Variants in P4HA2 observed in about 807,000 individuals in gnomAD.
P4HA2 encodes the protein prolyl 4-hydroxylase subunit alpha-2.
P4HA2 carries 46 observed loss-of-function variants against 76.9 expected under a neutral mutation model. The ratio of observed to expected loss-of-function variants is 0.60; its 90% CI spans 0.47 to 0.76. The LOEUF (loss-of-function observed/expected upper bound fraction) is 0.76, where lower values mean the gene tolerates loss of function less well. P4HA2 is among the 30% of genes least tolerant of loss of function. P4HA2 has a pLI of 0.00. For missense variants in P4HA2, 583 were observed against 669.4 expected, an observed-to-expected ratio of 0.87 and a Z score of 1.42; for synonymous variants, 243 against 254.0, an observed-to-expected ratio of 0.96 and a Z score of 0.41.
chr5:132,210,979 A>G (rs1422745241), intron 5 of P4HA2, among the ~76,000 whole-genome samples: 1 of 152,216 alleles, frequency 6.6e-6, no homozygotes, highest in Non-Finnish European at 1.5e-5. Flanking sequence ...AACTCTGAGG[A>G]AAGAATGGAG....
At chr5:132,226,336 C>T (rs1389013838) in intron 1 of P4HA2, among the ~76,000 whole-genome samples, 2 of 152,160 alleles carry the variant, frequency 1.3e-5, no homozygotes, top group African/African-American at 2.4e-5. Flanking sequence ...GACAGGATTT[C>T]CTACAAGAGG....
At chr5:132,217,023 G>A (rs1352202076) in intron 4 of P4HA2, among the ~76,000 whole-genome samples, 174 bp downstream of exon 4, 3 of 152,118 alleles carry the variant, frequency 2.0e-5, no homozygotes, top group Non-Finnish European at 4.4e-5. Context: ...ACCAAGGCCA[G>A]CCAACTTCCA....
intron 12 of P4HA2, chr5:132,198,101 C>T: frequency 6.5e-7 from 1 of 1,539,860 alleles, no homozygotes. Flanking sequence ...AAGGACCTGA[C>T]CATTACTTAA....
Position 132,217,852 on chromosome 5 carries a change from C to T in P4HA2, c.83-4G>A, listed in dbSNP as rs1297884779. 1 of 1,582,580 alleles carries T rather than the reference C, an allele frequency of 6.3e-7. No individual in the cohort carries two copies. The highest frequency in any genetic ancestry group is 1.7e-5 in the Admixed American group (1 of 58,494). ...TAAATCAGGTCAGTCATGTGCCCTG[C>T]AAGGGAGAGAAGAAAGACACCAGTG... On this transcript the variant is annotated splice_polypyrimidine_tract_variant and splice_region_variant and intron_variant, in intron 2 of 14. Transcript: ENST00000360568.
At chr5:132,215,553 C>T (rs1444475801) in intron 4 of P4HA2, among the ~76,000 whole-genome samples, 2 of 152,202 alleles carry the variant, frequency 1.3e-5, no homozygotes, top group Non-Finnish European at 2.9e-5. Flanking sequence ...GCTGAGCTCA[C>T]CAATCCCTCT....
Position 132,227,843 on chromosome 5 carries a change from C to T in P4HA2, c.-72G>A, listed in dbSNP as rs1045289115. 2 of 152,322 alleles carry T rather than the reference C, an allele frequency of 1.3e-5. No homozygotes were observed. The highest frequency in any genetic ancestry group is 2.9e-5 in the Non-Finnish European group (2 of 68,110). 9.4% of individuals were successfully genotyped at this position (152,322 alleles called of 1,614,324 possible). A position where few individuals can be genotyped will look rare whatever the true frequency, so the allele number is the denominator to read the frequency against. On this transcript the variant is annotated 5_prime_UTR_variant, in exon 1 of 15. Coordinates refer to ENST00000360568, the MANE Select transcript of P4HA2 (RefSeq NM_001017974.2). ...AGAACCTCCCGCGGCGTCGCCCGGT[C>T]AGCTCGGCGCCTCCTCCCTTGGCGA...
intron 1 of P4HA2, among the ~76,000 whole-genome samples, chr5:132,219,084 A>T (rs1754301607): frequency 6.6e-6 from 1 of 152,240 alleles, no homozygotes; most frequent in African/African-American, 2.4e-5. Context: ...CCTGCCCACA[A>T]GGAGGCAACA....
At chr5:132,219,484 C>A (rs769032815) in intron 1 of P4HA2, among the ~76,000 whole-genome samples, 16 of 152,184 alleles carry the variant, frequency 1.1e-4, no homozygotes, top group Non-Finnish European at 2.2e-4. Flanking sequence ...CAGAAATAGG[C>A]ACAACCTGAG....
intron 8 of P4HA2, among the ~76,000 whole-genome samples, chr5:132,205,634 G>T (rs1183275726): frequency 6.6e-6 from 1 of 152,172 alleles, no homozygotes; most frequent in Non-Finnish European, 1.5e-5. Context: ...GAGAGGAGTA[G>T]ATGGACCAGA....
At chr5:132,213,340 C>A (rs567788559) in intron 5 of P4HA2, among the ~76,000 whole-genome samples, 4 of 152,088 alleles carry the variant, frequency 2.6e-5, no homozygotes, top group African/African-American at 7.2e-5. Context: ...GGAAAATGGA[C>A]AGAGTGTAGA....
chr5:132,192,046 C>G lies in P4HA2; in HGVS notation c.*964G>C, dbSNP rs201397167. On this transcript the variant is annotated 3_prime_UTR_variant, in exon 15 of 15. Coordinates refer to ENST00000360568, the MANE Select transcript of P4HA2 (RefSeq NM_001017974.2). ...CATTCTATTAGTAAAAGTTCAAAAT[C>G]AGGGAAAACAGAATAACTACTTATT... 6.6e-6 allele frequency: 1 copy of G among 152,214 alleles called. No individual in the cohort carries two copies. Among genetic ancestry groups the G allele is most frequent in the Non-Finnish European group, 1.5e-5 (1 of 68,038 alleles). 9.4% of individuals were successfully genotyped at this position (152,214 alleles called of 1,614,324 possible).
intron 8 of P4HA2, among the ~76,000 whole-genome samples, 156 bp from the exon 9 acceptor site, chr5:132,204,308 C>G (rs1406429191): frequency 6.6e-6 from 1 of 152,222 alleles, no homozygotes; most frequent in South Asian, 2.1e-4. Context: ...ATCCTGCAGG[C>G]CAGTTGAGGG....
In P4HA2 at chr5:132,218,608, C is replaced by A; in HGVS notation, c.19G>T (p.Ala7Ser). 6.2e-7 allele frequency: 1 copy of A among 1,613,578 alleles called. No individual in the cohort carries two copies. The highest frequency in any genetic ancestry group is 2.2e-5 in the East Asian group (1 of 44,890). Residue 7 changes from alanine to serine, a missense_variant, in exon 2 of 15, where the codon GCA (alanine) becomes TCA (serine). Ala to Ser is a moderately conservative substitution (Grantham distance 99). Transcript: ENST00000360568. ...ACACCAAACCAGGCCATCAGCAATG[C>A]AGACACCCAGAGTTTCATGGTCACA... is the stretch of plus-strand genomic sequence containing the variant. MKLWVS[A>S]LLMAWFGVLS...
At chr5:132,202,707 G>C (rs546416412) in intron 10 of P4HA2, 2 of 152,190 alleles carry the variant, frequency 1.3e-5, no homozygotes, top group Non-Finnish European at 2.9e-5. Context: ...CTTTAATAAG[G>C]AGCTTTACCC....
In P4HA2 at chr5:132,203,788, T is replaced by A; in HGVS notation, c.1211A>T (p.His404Leu). 1 of 1,613,298 alleles carries A rather than the reference T, an allele frequency of 6.2e-7. No homozygotes were observed. The highest frequency in any genetic ancestry group is 1.7e-4 in the Middle Eastern group (1 of 6,060). ...AGTCTTTACTGTTAACCCTGTGATA[T>A]GCTGCATCCGACGATTTACTCGGGC... ...VVARVNRRMQ[H>L]ITGLTVKTAE... The change falls in exon 10 of 15, where the codon CAT becomes CTT. Residue 404 changes from histidine to leucine, a missense_variant. His to Leu is a moderately conservative substitution (Grantham distance 99). Coordinates refer to ENST00000360568, the MANE Select transcript of P4HA2 (RefSeq NM_001017974.2).
chr5:132,203,937 T>C (rs1422982082), intron 9 of P4HA2, 90 bp from the exon 10 acceptor site: 3 of 1,190,638 alleles, frequency 2.5e-6, no homozygotes, highest in African/African-American at 1.5e-5. Flanking sequence ...AGGGCCAGCA[T>C]GAACAGGCAG....
chr5:132,225,162 T>C (rs1372499831), intron 1 of P4HA2, among the ~76,000 whole-genome samples: 2 of 152,266 alleles, frequency 1.3e-5, no homozygotes, highest in Non-Finnish European at 2.9e-5. Flanking sequence ...GGCTGATGTC[T>C]TACCCTAAGG....
chr5:132,215,968 T>C (rs1753809459), intron 4 of P4HA2, among the ~76,000 whole-genome samples: 2 of 147,780 alleles, frequency 1.4e-5, no homozygotes, highest in Admixed American at 6.8e-5. Flanking sequence ...AAGAACATCC[T>C]AGCCAACATG....
At position 132,195,093 on chromosome 5, in the gene P4HA2, C is replaced by T. The variant is rs116520705; in HGVS notation, c.1435-71G>A. ...CTCAGGGACCTGACTGCAAGCATCA[C>T]AGAAGCTCTGCCCTGAGCAGAAACA... is the stretch of plus-strand genomic sequence containing the variant. On this transcript the variant is annotated intron_variant, in intron 13 of 14. Transcript: ENST00000360568. 4,939 of 1,041,956 alleles carry T rather than the reference C, an allele frequency of 4.7e-3. 25 individuals are homozygous for T. The highest frequency in any genetic ancestry group is 0.013 in the South Asian group (1,005 of 78,550). 64.5% of individuals were successfully genotyped at this position (1,041,956 alleles called of 1,614,324 possible).
Sources: gnomAD v4.1 joint callset for allele counts (sites outside exome capture counted in the v4.1 genomes callset) on GRCh38, gnomAD v4.1.1 for gene constraint, MANE v1.5 for transcripts, NCBI Gene and HGNC (gene_info 2026-07-23, HGNC 2026-07-21) for gene names.